The following TMEM131L variants were observed in gnomAD, a reference collection of about 807,000 sequenced individuals.
The protein encoded by TMEM131L is transmembrane 131 like.
TMEM131L carries 54 observed loss-of-function variants against 192.2 expected under a neutral mutation model. The ratio of observed to expected loss-of-function variants is 0.28; its 90% CI spans 0.23 to 0.35. TMEM131L has a LOEUF of 0.35. Ranked by LOEUF, TMEM131L falls within the 10% of genes least tolerant of loss-of-function variation. The pLI, the probability that TMEM131L is intolerant of heterozygous loss-of-function variation, is 1.00. For missense variants in TMEM131L, 1,888 were observed against 1,972.9 expected, an observed-to-expected ratio of 0.96 and a Z score of 0.82; for synonymous variants, 701 against 704.9, an observed-to-expected ratio of 0.99 and a Z score of 0.09.
At chr4:153,627,578 G>A (rs763915413) in intron 30 of TMEM131L, 27 bp from the exon 31 acceptor site, 15 of 1,581,314 alleles carry the variant, frequency 9.5e-6, no homozygotes, top group Admixed American at 3.4e-5. Flanking sequence ...AAAATGAGTC[G>A]TTCCTCCTTT....
chr4:153,479,695 C>T (rs946209753), intron 3 of TMEM131L, among the ~76,000 whole-genome samples: 4 of 152,050 alleles, frequency 2.6e-5, no homozygotes, highest in Non-Finnish European at 5.9e-5. Flanking sequence ...GTAGTAACAG[C>T]AGCAAAATGT....
intron 3 of TMEM131L, among the ~76,000 whole-genome samples, chr4:153,501,943 GTTTTTTTTT>G (rs575832226): frequency 1.7e-5 from 2 of 117,398 alleles, no homozygotes; most frequent in Admixed American, 9.3e-5. Context: ...CCCCCAAAGG[GTTTTTTTTT>G]TTTTTTTTTT....
chr4:153,534,722 G>A (rs1392027648), intron 3 of TMEM131L, among the ~76,000 whole-genome samples: 1 of 152,156 alleles, frequency 6.6e-6, no homozygotes, highest in African/African-American at 2.4e-5. Flanking sequence ...CGTGAGCCAC[G>A]GCGCCTGGCC....
chr4:153,493,448 C>T (rs576102891), intron 3 of TMEM131L, among the ~76,000 whole-genome samples: 1 of 151,598 alleles, frequency 6.6e-6, no homozygotes, highest in South Asian at 2.1e-4. Context: ...ATCACAAGGT[C>T]AGGAGTTCGA....
At chr4:153,576,696 T>A (rs1034890253) in intron 7 of TMEM131L, among the ~76,000 whole-genome samples, 1 of 151,966 alleles carries the variant, frequency 6.6e-6, no homozygotes, top group African/African-American at 2.4e-5. Context: ...AAAAAACTTA[T>A]AAATGTGTAC....
rs77567579 is a variant in TMEM131L, at chr4:153,510,873, T to A, written c.239+36985T>A. ...GTGTACTCCAGCCTGGACAATGTAG[T>A]GAGACCCTGTCTCAAAAAAAAAAAC... On this transcript the variant is annotated intron_variant, in intron 3 of 34. Transcript: ENST00000409959. 8.8e-3 allele frequency among the ~76,000 whole-genome samples: 1,329 copies of A among 150,882 alleles called. 10 individuals are homozygous for A. Among genetic ancestry groups the A allele is most frequent in the Non-Finnish European group, 0.014 (920 of 67,786 alleles).
At chr4:153,537,982 C>G (rs1418620925) in intron 3 of TMEM131L, among the ~76,000 whole-genome samples, 9 of 152,200 alleles carry the variant, frequency 5.9e-5, no homozygotes, top group Non-Finnish European at 1.2e-4. Context: ...TGCAGTTTCA[C>G]ACAACACTGA....
At chr4:153,539,603 A>G (rs1333203187) in intron 3 of TMEM131L, among the ~76,000 whole-genome samples, 1 of 149,886 alleles carries the variant, frequency 6.7e-6, no homozygotes, top group African/African-American at 2.5e-5. Context: ...GGAGTGAAAC[A>G]CTGATATACA....
intron 4 of TMEM131L, among the ~76,000 whole-genome samples, chr4:153,552,961 C>T (rs1285168410): frequency 6.7e-6 from 1 of 149,012 alleles, no homozygotes; most frequent in Admixed American, 6.7e-5. Flanking sequence ...TTTTTTCCCT[C>T]AAACACTTTC....
At chr4:153,541,792 A>G (rs1385191533) in intron 3 of TMEM131L, among the ~76,000 whole-genome samples, 1 of 152,268 alleles carries the variant, frequency 6.6e-6, no homozygotes, top group Non-Finnish European at 1.5e-5. Flanking sequence ...ATTAGCAGCT[A>G]GAGCCACAGC....
In TMEM131L at chr4:153,542,825, A is replaced by G. The variant is rs559620856; in HGVS notation, c.240-7248A>G. Among the ~76,000 whole-genome samples the G allele has an allele frequency of 2.0e-5, 3 of 152,290 alleles. No individual in the cohort carries two copies. The East Asian group carries it at 5.8e-4, about 29-fold the overall frequency. On this transcript the variant is annotated intron_variant, in intron 3 of 34. Transcript: ENST00000409959. The stretch of plus-strand genomic sequence containing the variant: ...AGATGGAAATCCTGGAGAGGGCAGG[A>G]CAGGGGGCTGTGAGCCTGGGATGCA...
In TMEM131L at chr4:153,527,636, C is replaced by T. The variant is rs114320036; in HGVS notation, c.240-22437C>T. Among the ~76,000 whole-genome samples, 1,072 of 152,260 alleles carry T rather than the reference C, an allele frequency of 7.0e-3. 18 individuals carry two copies. Among genetic ancestry groups the T allele is most frequent in the African/African-American group, 0.024 (1,011 of 41,538 alleles). ...ATCCAAATCAGGCAAGTGTATGTGACCCCACCCCTGCCCTGATTTAATGTT... is the reference window on the plus strand; with the variant it reads ...ATCCAAATCAGGCAAGTGTATGTGATCCCACCCCTGCCCTGATTTAATGTT... On this transcript the variant is annotated intron_variant, in intron 3 of 34. Transcript: ENST00000409959.
chr4:153,562,296 A>G (rs1229811957), intron 7 of TMEM131L, among the ~76,000 whole-genome samples: 10 of 152,188 alleles, frequency 6.6e-5, no homozygotes, highest in Admixed American at 6.5e-4. Context: ...TCGGCCTCCT[A>G]AAGTGCTGGA....
At chr4:153,609,505 G>GT (rs1345284223) in intron 25 of TMEM131L, among the ~76,000 whole-genome samples, 3 of 152,090 alleles carry the variant, frequency 2.0e-5, no homozygotes, top group Non-Finnish European at 4.4e-5. Context: ...TGTAAATGAC[G>GT]TATGTGTTTG....
At chr4:153,547,604 C>T (rs763213376) in intron 3 of TMEM131L, among the ~76,000 whole-genome samples, 5 of 152,072 alleles carry the variant, frequency 3.3e-5, no homozygotes, top group Non-Finnish European at 7.4e-5. Flanking sequence ...AGATCGTTTC[C>T]ATTTTACAGA....
intron 28 of TMEM131L, 48 bp from the exon 29 acceptor site, chr4:153,622,850 A>G: frequency 6.3e-7 from 1 of 1,575,100 alleles, no homozygotes. Flanking sequence ...GAAATGCATG[A>G]GGTTGACAGT....
In TMEM131L at chr4:153,604,416, C is replaced by A. The variant is rs2126407371; in HGVS notation, c.3404C>A (p.Ser1135Tyr). Residue 1135 changes from serine to tyrosine, a missense_variant, in exon 25 of 35, where the codon TCC (serine) becomes TAC (tyrosine). Physicochemically the swap from Ser to Tyr is moderately radical, Grantham distance 144 (BLOSUM62 -2). Transcript: ENST00000409959. ...CACCAGCCAGACTTGCCAGAAATTTCCAGGAAAAATAATGGTAATCTTTTC... is the reference window on the plus strand; with the variant it reads ...CACCAGCCAGACTTGCCAGAAATTTACAGGAAAAATAATGGTAATCTTTTC... ...QYHQPDLPEI[S>Y]RKNNGNNQQV... is the part of the protein sequence containing the mutation. The A allele has an allele frequency of 1.9e-6, 3 of 1,597,398 alleles. No individual in the cohort carries two copies. In the East Asian group the frequency reaches 6.7e-5, roughly 36 times the overall value.
intron 3 of TMEM131L, among the ~76,000 whole-genome samples, chr4:153,520,665 AT>A (rs1735045742): frequency 6.6e-6 from 1 of 152,188 alleles, no homozygotes; most frequent in African/African-American, 2.4e-5. Context: ...CTGATGAGAG[AT>A]TAGCAAGGGC....
chr4:153,474,509 G>C (rs1164495647), intron 3 of TMEM131L, among the ~76,000 whole-genome samples: 1 of 152,198 alleles, frequency 6.6e-6, no homozygotes, highest in Non-Finnish European at 1.5e-5. Context: ...AGGATGGTGA[G>C]ATAAGGTATG....
Sources: gnomAD v4.1 joint callset for allele counts (sites outside exome capture counted in the v4.1 genomes callset) on GRCh38, gnomAD v4.1.1 for gene constraint, MANE v1.5 for transcripts, NCBI Gene and HGNC (gene_info 2026-07-23, HGNC 2026-07-21) for gene names.